ANKS1B: variants seen among roughly 807,000 people sequenced by gnomAD.
ANKS1B encodes the protein ankyrin repeat and sterile alpha motif domain containing 1B.
ANKS1B carries 36 observed loss-of-function variants against 148.3 expected under a neutral mutation model. The ratio of observed to expected loss-of-function variants is 0.24; its 90% CI spans 0.19 to 0.32. The LOEUF (loss-of-function observed/expected upper bound fraction) is 0.32. Among genes scored for constraint, ANKS1B ranks in the 10% least tolerant of loss-of-function variants. The pLI is 1.00. For synonymous variants in ANKS1B, 542 were observed against 560.8 expected (o/e 0.97, Z 0.47); for missense variants, 1,157 against 1,542.6 (o/e 0.75, Z 4.19).
intron 8 of ANKS1B, among the ~76,000 whole-genome samples, chr12:99,769,705 C>G (rs1005664549): frequency 6.6e-6 from 1 of 152,160 alleles, no homozygotes; most frequent in Non-Finnish European, 1.5e-5. Flanking sequence ...AGAAATAATA[C>G]TATCCTTTTC....
intron 9 of ANKS1B, among the ~76,000 whole-genome samples, chr12:99,573,643 A>T (rs2097485733): frequency 6.6e-6 from 1 of 151,988 alleles, no homozygotes; most frequent in Admixed American, 6.6e-5. Flanking sequence ...ACTATTTCAG[A>T]CCTTCTTTCT....
intron 4 of ANKS1B, among the ~76,000 whole-genome samples, chr12:99,801,605 C>A (rs2066961456): frequency 6.6e-6 from 1 of 152,020 alleles, no homozygotes; most frequent in African/African-American, 2.4e-5. Flanking sequence ...GCTTTTCTAA[C>A]TACGTTGCTA....
intron 9 of ANKS1B, among the ~76,000 whole-genome samples, chr12:99,571,557 A>G (rs2097455985): frequency 6.6e-6 from 1 of 152,144 alleles, no homozygotes; most frequent in African/African-American, 2.4e-5. Context: ...AATATATAAC[A>G]CAAACATGTT....
At chr12:99,308,911 T>A (rs2082733290) in intron 12 of ANKS1B, among the ~76,000 whole-genome samples, 1 of 149,204 alleles carries the variant, frequency 6.7e-6, no homozygotes, top group Non-Finnish European at 1.5e-5. Flanking sequence ...ATAGTATATA[T>A]GTATACTATA....
intron 8 of ANKS1B, among the ~76,000 whole-genome samples, chr12:99,737,546 A>ATTCCTCTCCTTCCCACTTCTTTT (rs2059724053): frequency 6.6e-6 from 1 of 152,092 alleles, no homozygotes; most frequent in South Asian, 2.1e-4. Flanking sequence ...CCATGCTTAA[A>ATTCCTCTCCTTCCCACTTCTTTT]ACCCTTCAGT....
intron 16 of ANKS1B, among the ~76,000 whole-genome samples, chr12:99,062,254 C>T (rs752469237): frequency 3.3e-5 from 5 of 152,256 alleles, no homozygotes; most frequent in African/African-American, 4.8e-5. Context: ...TATCGCTGAG[C>T]GTTGCCATAT....
At chr12:99,539,669 A>G (rs534123517) in intron 9 of ANKS1B, among the ~76,000 whole-genome samples, 1 of 152,328 alleles carries the variant, frequency 6.6e-6, no homozygotes, top group African/African-American at 2.4e-5. Flanking sequence ...AAATGTAAGT[A>G]GATTCAACAC....
At chr12:99,771,507 G>A (rs1249481547) in intron 8 of ANKS1B, among the ~76,000 whole-genome samples, 3 of 152,002 alleles carry the variant, frequency 2.0e-5, no homozygotes, top group Non-Finnish European at 4.4e-5. Flanking sequence ...TATGTTTTAA[G>A]TTCTAACTAA....
chr12:98,807,805 G>A (rs776678815), intron 20 of ANKS1B, 39 bp downstream of exon 20: 11 of 1,571,610 alleles, frequency 7.0e-6, no homozygotes, highest in African/African-American at 2.7e-5. Context: ...AGTACATAGC[G>A]CAAGTTCAGG....
intron 1 of ANKS1B, among the ~76,000 whole-genome samples, chr12:99,901,076 G>T (rs763386560): frequency 2.0e-5 from 3 of 152,040 alleles, no homozygotes; most frequent in Non-Finnish European, 2.9e-5. Context: ...AATTTTTCTA[G>T]ATAAAAATCA....
At chr12:99,098,807 G>C (rs2153668100) in intron 15 of ANKS1B, among the ~76,000 whole-genome samples, 1 of 150,658 alleles carries the variant, frequency 6.6e-6, no homozygotes, top group South Asian at 2.1e-4. Context: ...TTGTGGCCTT[G>C]GGAAAGTCAC....
intron 12 of ANKS1B, among the ~76,000 whole-genome samples, chr12:99,333,853 A>ATTTTT (rs2088093891): frequency 1.1e-5 from 1 of 87,636 alleles, no homozygotes; most frequent in African/African-American, 8.9e-5. Flanking sequence ...TCCAGTTCTC[A>ATTTTT]GTTTTTTTTT....
chr12:99,921,838 T>C (rs2094362318), intron 1 of ANKS1B, among the ~76,000 whole-genome samples: 2 of 152,192 alleles, frequency 1.3e-5, no homozygotes, highest in Admixed American at 1.3e-4. Context: ...AAGGAAAAAT[T>C]AGTAATATAA....
intron 17 of ANKS1B, among the ~76,000 whole-genome samples, chr12:98,884,800 C>T (rs1037862736): frequency 4.4e-5 from 5 of 113,142 alleles, no homozygotes; most frequent in African/African-American, 1.6e-4. Flanking sequence ...AGCGAGACTC[C>T]GTCTCAAAAA....
intron 15 of ANKS1B, among the ~76,000 whole-genome samples, chr12:99,114,074 A>G (rs2060840107): frequency 6.6e-6 from 1 of 152,194 alleles, no homozygotes; most frequent in Admixed American, 6.5e-5. Context: ...TAAGGAACTC[A>G]TATATGTTTA....
intron 17 of ANKS1B, among the ~76,000 whole-genome samples, chr12:98,936,423 T>A (rs188637583): frequency 9.2e-5 from 14 of 152,148 alleles, no homozygotes; most frequent in African/African-American, 3.1e-4. Flanking sequence ...GGTCAAGAGG[T>A]TGAGACCATC....
intron 1 of ANKS1B, among the ~76,000 whole-genome samples, chr12:99,980,930 G>A (rs1242059143): frequency 6.6e-6 from 1 of 151,960 alleles, no homozygotes; most frequent in East Asian, 1.9e-4. Context: ...GTCATTGGAA[G>A]GTTTAACAGG....
intron 1 of ANKS1B, among the ~76,000 whole-genome samples, chr12:99,938,901 G>A (rs1157390909): frequency 2.6e-5 from 4 of 152,174 alleles, no homozygotes; most frequent in Non-Finnish European, 4.4e-5. Context: ...CCCCGCAGAC[G>A]CTGGTAGAGA....
chr12:99,832,552 A>AC (rs1488461084), intron 1 of ANKS1B, among the ~76,000 whole-genome samples: 16 of 152,048 alleles, frequency 1.1e-4, no homozygotes, highest in African/African-American at 3.6e-4. Flanking sequence ...GGCAAAAAAA[A>AC]CACTTTACTC....
Sources: allele counts gnomAD v4.1 joint callset (sites outside exome capture counted in the v4.1 genomes callset), GRCh38; gene constraint gnomAD v4.1.1; transcripts MANE v1.5; gene names NCBI Gene and HGNC (gene_info 2026-07-23, HGNC 2026-07-21).